Variants in PDZRN4 observed in about 807,000 individuals in gnomAD.
The protein encoded by PDZRN4 is PDZ domain containing ring finger 4.
In PDZRN4, 70 loss-of-function variants were observed where a neutral mutation model predicts 99.0. That is an observed-to-expected ratio of 0.71 (90% CI 0.58 to 0.86). PDZRN4 has a LOEUF of 0.86. PDZRN4 is among the 40% of genes least tolerant of loss of function. The probability of loss-of-function intolerance (pLI) is 0.00; values close to 1 mark genes in which losing one functional copy is unlikely to be tolerated. For missense variants in PDZRN4, 1,474 were observed against 1,331.2 expected, an observed-to-expected ratio of 1.11 and a Z score of -1.67; for synonymous variants, 551 against 501.6, an observed-to-expected ratio of 1.10 and a Z score of -1.32.
At chr12:41,293,719 A>G (rs374521822) in intron 3 of PDZRN4, among the ~76,000 whole-genome samples, 57 of 152,178 alleles carry the variant, frequency 3.7e-4, no homozygotes, top group African/African-American at 1.3e-3. Context: ...GTAATGGCTG[A>G]AGGTGTTTTC....
chr12:41,249,737 T>G (rs2120805259), intron 3 of PDZRN4, among the ~76,000 whole-genome samples: 1 of 152,330 alleles, frequency 6.6e-6, no homozygotes, highest in African/African-American at 2.4e-5. Context: ...TTCCTTTGAT[T>G]TGAAGACTTT....
chr12:41,545,487 C>G (rs559671987), intron 5 of PDZRN4, among the ~76,000 whole-genome samples: 14 of 149,982 alleles, frequency 9.3e-5, no homozygotes, highest in Admixed American at 2.7e-4. Context: ...TCCCTCTGCC[C>G]CAGCCCATAT....
intron 3 of PDZRN4, among the ~76,000 whole-genome samples, chr12:41,259,218 T>C (rs1406911628): frequency 1.3e-5 from 2 of 152,070 alleles, no homozygotes; most frequent in African/African-American, 4.8e-5. Context: ...TAACATTAAA[T>C]ATTTTCATAT....
chr12:41,460,282 G>A (rs193030926), intron 3 of PDZRN4, among the ~76,000 whole-genome samples: 1 of 152,278 alleles, frequency 6.6e-6, no homozygotes, highest in African/African-American at 2.4e-5. Context: ...TAAATATAGA[G>A]TGATTAAAAC....
chr12:41,316,218 T>C (rs1951636813), intron 3 of PDZRN4, among the ~76,000 whole-genome samples: 2 of 152,104 alleles, frequency 1.3e-5, no homozygotes, highest in Non-Finnish European at 2.9e-5. Flanking sequence ...CTATTTTTCA[T>C]GTATTGACCC....
In PDZRN4 at chr12:41,572,669, C is replaced by T. The variant is rs771656765; in HGVS notation, c.1890C>T (p.Leu630=). 1.2e-6 allele frequency: 2 copies of T among 1,614,128 alleles called. No individual in the cohort carries two copies. The highest frequency in any genetic ancestry group is 8.5e-7 in the Non-Finnish European group (1 of 1,180,012). ...AGGACTGTGAAAGATTCAGGCAGCT[C>T]TTGGAGCTCAAATGCAAGATTCGAA... ...PDEDCERFRQ[L]LELKCKIRNH... is the part of the protein sequence containing the mutation. The change falls in exon 10 of 10, where the codon CTC becomes CTT. Residue 630 remains leucine, a synonymous_variant. Coordinates refer to ENST00000402685, the MANE Select transcript of PDZRN4 (RefSeq NM_001164595.2).
chr12:41,574,219 T>C lies in PDZRN4; in HGVS notation c.*329T>C, dbSNP rs1215417116. 2 of 177,276 alleles carry C rather than the reference T, an allele frequency of 1.1e-5. No homozygotes were observed. Among genetic ancestry groups the C allele is most frequent in the East Asian group, 3.0e-4 (2 of 6,750 alleles). 11.0% of individuals were successfully genotyped at this position (177,276 alleles called of 1,614,324 possible). A position where few individuals can be genotyped will look rare whatever the true frequency, so the allele number is the denominator to read the frequency against. ...CCTACTTCAATGTATCTAATGTAAG[T>C]GAAAATCTGGATTTATTTCTCTAGT... On this transcript the variant is annotated 3_prime_UTR_variant, in exon 10 of 10. Coordinates refer to ENST00000402685, the MANE Select transcript of PDZRN4 (RefSeq NM_001164595.2).
intron 3 of PDZRN4, among the ~76,000 whole-genome samples, chr12:41,380,338 T>C (rs1429857900): frequency 1.3e-5 from 2 of 152,032 alleles, no homozygotes; most frequent in East Asian, 1.9e-4. Flanking sequence ...TCATTTACAT[T>C]GAGAGTAATA....
At chr12:41,231,031 G>C (rs756088129) in intron 3 of PDZRN4, among the ~76,000 whole-genome samples, 66 of 152,016 alleles carry the variant, frequency 4.3e-4, no homozygotes, top group Non-Finnish European at 6.6e-4. Context: ...GAGTGTGTAG[G>C]TGTGTGTGTA....
intron 3 of PDZRN4, among the ~76,000 whole-genome samples, chr12:41,236,218 T>C (rs1388135161): frequency 1.3e-5 from 2 of 152,148 alleles, no homozygotes; most frequent in Non-Finnish European, 2.9e-5. Flanking sequence ...AATTATCTTA[T>C]TTGTGCCTTT....
chr12:41,549,259 C>T (rs1939013837), intron 5 of PDZRN4, among the ~76,000 whole-genome samples: 1 of 152,156 alleles, frequency 6.6e-6, no homozygotes, highest in African/African-American at 2.4e-5. Context: ...TTAGGGAAAA[C>T]ATTCTCTATT....
intron 3 of PDZRN4, among the ~76,000 whole-genome samples, chr12:41,475,872 C>G (rs1347958427): frequency 6.6e-6 from 1 of 152,076 alleles, no homozygotes; most frequent in Non-Finnish European, 1.5e-5. Context: ...TTTTGACCTC[C>G]GGGAGTAAAT....
intron 3 of PDZRN4, chr12:41,437,691 G>A (rs778999751): frequency 2.7e-4 from 367 of 1,343,206 alleles, no homozygotes; most frequent in Middle Eastern, 1.1e-3. Context: ...AGACGGGGGA[G>A]TGTTGCCATG....
At chr12:41,349,070 T>A (rs1194590156) in intron 3 of PDZRN4, among the ~76,000 whole-genome samples, 1 of 152,006 alleles carries the variant, frequency 6.6e-6, no homozygotes, top group Non-Finnish European at 1.5e-5. Context: ...TAGGGTCATT[T>A]AAATAAATAT....
In PDZRN4 at chr12:41,552,700, G is replaced by A; in HGVS notation, c.1248G>A (p.Leu416=). 2 of 1,613,856 alleles carry A rather than the reference G, an allele frequency of 1.2e-6. No individual in the cohort carries two copies. Among genetic ancestry groups the A allele is most frequent in the Non-Finnish European group, 1.7e-6 (2 of 1,179,826 alleles). ...TTAGCAGTCAAGAGAAGCTGGGCCT[G>A]ACAGTCTGTTACCGAACAGATGATG... ...CRVSSQEKLG[L]TVCYRTDDEE... Residue 416 remains leucine (L), a synonymous_variant, in exon 6 of 10, where the codon CTG becomes CTA. Transcript: ENST00000402685.
intron 3 of PDZRN4, among the ~76,000 whole-genome samples, chr12:41,429,595 T>A (rs554717528): frequency 9.9e-5 from 15 of 152,210 alleles, no homozygotes; most frequent in African/African-American, 3.6e-4. Context: ...TGGAAAGTAC[T>A]GGTTAAGTAG....
At chr12:41,389,916 A>G (rs774608936) in intron 3 of PDZRN4, among the ~76,000 whole-genome samples, 2 of 152,236 alleles carry the variant, frequency 1.3e-5, no homozygotes, top group Admixed American at 6.5e-5. Context: ...CATTACATTC[A>G]GAGTACAAAT....
At chr12:41,267,155 A>G (rs760423169) in intron 3 of PDZRN4, among the ~76,000 whole-genome samples, 76 of 152,200 alleles carry the variant, frequency 5.0e-4, no homozygotes, top group Non-Finnish European at 8.5e-4. Flanking sequence ...CTATCATCTT[A>G]TATGGATAAT....
intron 3 of PDZRN4, among the ~76,000 whole-genome samples, chr12:41,497,121 C>T (rs1249610703): frequency 2.0e-5 from 3 of 152,104 alleles, no homozygotes; most frequent in Non-Finnish European, 2.9e-5. Flanking sequence ...ATTTCTACAT[C>T]CTTTTGTGCT....
Sources: allele counts gnomAD v4.1 joint callset (sites outside exome capture counted in the v4.1 genomes callset), GRCh38; gene constraint gnomAD v4.1.1; transcripts MANE v1.5; gene names NCBI Gene and HGNC (gene_info 2026-07-23, HGNC 2026-07-21).